Variants in MYO5A observed in about 807,000 individuals in gnomAD.
The protein encoded by MYO5A is myosin VA.
MYO5A carries 98 observed loss-of-function variants against 249.7 expected under a neutral mutation model. That is an observed-to-expected ratio of 0.39 (90% confidence interval 0.33 to 0.46). The LOEUF is 0.46. MYO5A is among the 20% of genes least tolerant of loss of function. The pLI is 0.98. For missense variants in MYO5A, 1,696 were observed against 2,308.8 expected (o/e 0.73, Z 5.44); for synonymous variants, 778 against 810.6 (o/e 0.96, Z 0.68).
At chr15:52,391,007 GC>G (rs2042210784) in intron 12 of MYO5A, among the ~76,000 whole-genome samples, 1 of 151,972 alleles carries the variant, frequency 6.6e-6, no homozygotes, top group Admixed American at 6.6e-5. Context: ...TATGACAACT[GC>G]CACAGTTTTC....
chr15:52,519,292 G>A (rs1463763218), intron 1 of MYO5A, among the ~76,000 whole-genome samples: 1 of 152,180 alleles, frequency 6.6e-6, no homozygotes, highest in Non-Finnish European at 1.5e-5. Flanking sequence ...TAAGAAAGGT[G>A]ACATAGGGTT....
At chr15:52,340,537 C>CAG in intron 31 of MYO5A, 143 bp from the exon 32 acceptor site, 1 of 731,542 alleles carries the variant, frequency 1.4e-6, no homozygotes, top group South Asian at 1.7e-5. Context: ...TGATTAAAGT[C>CAG]AAGAAACTAA....
At chr15:52,333,466 A>G (rs1283768209) in intron 34 of MYO5A, among the ~76,000 whole-genome samples, 1 of 152,174 alleles carries the variant, frequency 6.6e-6, no homozygotes, top group Non-Finnish European at 1.5e-5. Context: ...CTTAGAAGGT[A>G]TGTGTTCTAG....
chr15:52,335,273 T>G lies in MYO5A; in HGVS notation c.4408+1190A>C, dbSNP rs551333424. On this transcript the variant is annotated intron_variant, in intron 34 of 41. Coordinates refer to ENST00000399233, the MANE Select transcript of MYO5A (RefSeq NM_001382347.1). ...GGTGGCTCACGCCTATACCCAGCAC[T>G]TTGGGAGGCTGAGGCAGATGGATCA... Among the ~76,000 whole-genome samples, 531 of 152,200 alleles carry G rather than the reference T, an allele frequency of 3.5e-3. 2 individuals carry two copies. The highest frequency in any genetic ancestry group is 6.0e-3 in the Non-Finnish European group (406 of 67,978).
At chr15:52,472,493 C>A (rs569319682) in intron 1 of MYO5A, among the ~76,000 whole-genome samples, 68 of 152,188 alleles carry the variant, frequency 4.5e-4, no homozygotes, top group African/African-American at 1.6e-3. Flanking sequence ...GTGCTGCACC[C>A]ATTAACTTGT....
chr15:52,391,585 T>C (rs542719014), intron 12 of MYO5A, among the ~76,000 whole-genome samples: 2 of 152,338 alleles, frequency 1.3e-5, no homozygotes, highest in African/African-American at 4.8e-5. Context: ...TTTAGAACTG[T>C]TATTCAAAAT....
At chr15:52,387,966 A>G (rs1455567057) in intron 13 of MYO5A, 54 bp from the exon 14 acceptor site, 4 of 1,185,040 alleles carry the variant, frequency 3.4e-6, no homozygotes, top group African/African-American at 1.5e-5. Flanking sequence ...AATAGATATT[A>G]TAATCATCAA....
chr15:52,367,307 G>A (rs1185893936), intron 22 of MYO5A, among the ~76,000 whole-genome samples, 183 bp from the exon 23 acceptor site: 1 of 152,126 alleles, frequency 6.6e-6, no homozygotes, highest in African/African-American at 2.4e-5. Context: ...GAGCCTTCCT[G>A]AAACCCCCTT....
At chr15:52,389,439 A>G in intron 12 of MYO5A, 76 bp from the exon 13 acceptor site, 1 of 1,427,638 alleles carries the variant, frequency 7.0e-7, no homozygotes, top group Non-Finnish European at 9.5e-7. Context: ...CTGTCAAAAG[A>G]TCTTTTATTT....
intron 1 of MYO5A, among the ~76,000 whole-genome samples, chr15:52,449,605 C>T (rs991662163): frequency 2.0e-5 from 3 of 152,324 alleles, no homozygotes; most frequent in Non-Finnish European, 2.9e-5. Context: ...TCATTCCTTT[C>T]CCATTTCCTG....
chr15:52,486,414 C>T lies in MYO5A; in HGVS notation c.27+42366G>A, dbSNP rs140201350. The stretch of plus-strand genomic sequence containing the variant: ...CAGGATTTGACCAAAGAATGTCTGG[C>T]CCCGACTTTCATTCTCTCTCCACTA... On this transcript the variant is annotated intron_variant, in intron 1 of 41. Coordinates refer to ENST00000399233, the MANE Select transcript of MYO5A (RefSeq NM_001382347.1). Among the ~76,000 whole-genome samples, 9 of 152,322 alleles carry T rather than the reference C, an allele frequency of 5.9e-5. No individual in the cohort carries two copies. The East Asian group carries it at 1.5e-3, about 26-fold the overall frequency.
At chr15:52,415,862 C>A in intron 5 of MYO5A, 1 of 439,928 alleles carries the variant, frequency 2.3e-6, no homozygotes, top group Non-Finnish European at 4.2e-6. Context: ...GAGAAGGAAA[C>A]TTAATTGCTG....
intron 20 of MYO5A, among the ~76,000 whole-genome samples, chr15:52,373,206 CAAAA>C (rs2041221878): frequency 6.6e-6 from 1 of 152,024 alleles, no homozygotes; most frequent in African/African-American, 2.4e-5. Flanking sequence ...TATAAACAAA[CAAAA>C]GTTTGCCTTA....
At chr15:52,477,421 C>T (rs912465792) in intron 1 of MYO5A, among the ~76,000 whole-genome samples, 6 of 152,208 alleles carry the variant, frequency 3.9e-5, no homozygotes, top group East Asian at 1.9e-4. Context: ...ATTCTCCGTC[C>T]ACCTTTGTTC....
At chr15:52,437,477 C>T (rs1018675164) in intron 1 of MYO5A, among the ~76,000 whole-genome samples, 9 of 151,656 alleles carry the variant, frequency 5.9e-5, no homozygotes, top group Non-Finnish European at 1.3e-4. Context: ...TGCCTGTAAC[C>T]CCAGCTACTC....
chr15:52,524,289 C>T (rs1418996910), intron 1 of MYO5A, among the ~76,000 whole-genome samples: 1 of 152,158 alleles, frequency 6.6e-6, no homozygotes, highest in African/African-American at 2.4e-5. Flanking sequence ...CATGGTGGCT[C>T]ATGTCTGTAA....
At chr15:52,398,771 C>T (rs760226372) in intron 9 of MYO5A, among the ~76,000 whole-genome samples, 22 of 152,066 alleles carry the variant, frequency 1.4e-4, no homozygotes, top group African/African-American at 3.9e-4. Context: ...GGAGGATCAC[C>T]TGAGGTTAGG....
At chr15:52,497,319 A>C (rs1464478503) in intron 1 of MYO5A, among the ~76,000 whole-genome samples, 1 of 152,146 alleles carries the variant, frequency 6.6e-6, no homozygotes, top group Non-Finnish European at 1.5e-5. Flanking sequence ...CAGGATGGCA[A>C]GTCTCAACAA....
At chr15:52,409,193 A>G (rs1432049290) in intron 6 of MYO5A, among the ~76,000 whole-genome samples, 2 of 152,086 alleles carry the variant, frequency 1.3e-5, no homozygotes, top group Non-Finnish European at 2.9e-5. Flanking sequence ...AAGCACTACT[A>G]GCCTTTGGTC....
Sources: gnomAD v4.1 joint callset for allele counts (sites outside exome capture counted in the v4.1 genomes callset) on GRCh38, gnomAD v4.1.1 for gene constraint, MANE v1.5 for transcripts, NCBI Gene and HGNC (gene_info 2026-07-23, HGNC 2026-07-21) for gene names.